Variants in KHDRBS2 observed in about 807,000 individuals in gnomAD.
The protein encoded by KHDRBS2 is KH domain-containing, RNA-binding, signal transduction-associated protein 2.
Under a neutral mutation model 44.3 loss-of-function variants are expected in KHDRBS2, and 26 were observed. That is an observed-to-expected ratio of 0.59 (90% CI 0.43 to 0.81). The LOEUF (loss-of-function observed/expected upper bound fraction) is 0.81, where lower values mean the gene tolerates loss of function less well. Ranked by LOEUF, KHDRBS2 falls within the 40% of genes least tolerant of loss-of-function variation. The pLI is 0.00. For synonymous variants in KHDRBS2, 194 were observed against 151.1 expected (o/e 1.28, Z -2.08); for missense variants, 476 against 433.1 (o/e 1.10, Z -0.88).
intron 4 of KHDRBS2, among the ~76,000 whole-genome samples, chr6:61,902,966 T>C (rs1434354350): frequency 6.6e-6 from 1 of 152,182 alleles, no homozygotes; most frequent in African/African-American, 2.4e-5. Context: ...ATTTTTAGCA[T>C]GTTGCTTTCA....
At chr6:62,157,868 T>C (rs1816797758) in intron 2 of KHDRBS2, among the ~76,000 whole-genome samples, 1 of 152,216 alleles carries the variant, frequency 6.6e-6, no homozygotes, top group African/African-American at 2.4e-5. Context: ...GATTTATGCA[T>C]AGCTTCCCCC....
chr6:62,109,982 G>C (rs1370586375), intron 2 of KHDRBS2, among the ~76,000 whole-genome samples: 1 of 151,776 alleles, frequency 6.6e-6, no homozygotes, highest in Admixed American at 6.6e-5. Flanking sequence ...ATATTTCTTA[G>C]ATATGAAATG....
At chr6:61,966,173 A>T (rs1393106828) in intron 4 of KHDRBS2, among the ~76,000 whole-genome samples, 1 of 152,030 alleles carries the variant, frequency 6.6e-6, no homozygotes, top group Admixed American at 6.6e-5. Flanking sequence ...ATTACACTGA[A>T]AGGTAATGAA....
intron 2 of KHDRBS2, among the ~76,000 whole-genome samples, chr6:62,051,072 A>G (rs1282946072): frequency 6.6e-6 from 1 of 152,096 alleles, no homozygotes; most frequent in African/African-American, 2.4e-5. Flanking sequence ...ATATGGTGTT[A>G]GACTTCATAA....
intron 3 of KHDRBS2, among the ~76,000 whole-genome samples, chr6:62,041,021 C>T (rs188053864): frequency 4.6e-5 from 7 of 152,068 alleles, no homozygotes; most frequent in Admixed American, 1.3e-4. Flanking sequence ...GGTTATATTG[C>T]ATTTGTACTT....
chr6:62,149,034 T>C (rs996645085), intron 2 of KHDRBS2, among the ~76,000 whole-genome samples: 3 of 152,118 alleles, frequency 2.0e-5, no homozygotes, highest in Non-Finnish European at 4.4e-5. Flanking sequence ...CCTTTAAATA[T>C]TGAGGTCCTT....
intron 2 of KHDRBS2, among the ~76,000 whole-genome samples, chr6:62,108,465 G>T (rs1241789349): frequency 6.6e-6 from 1 of 152,150 alleles, no homozygotes; most frequent in Non-Finnish European, 1.5e-5. Flanking sequence ...TGGAGAGGAT[G>T]TGGAGAAATA....
chr6:62,208,863 C>T (rs1198895289), intron 1 of KHDRBS2, among the ~76,000 whole-genome samples: 1 of 152,136 alleles, frequency 6.6e-6, no homozygotes, highest in Non-Finnish European at 1.5e-5. Context: ...TAGATATTGG[C>T]CATCTGCATG....
chr6:62,074,412 C>T (rs2127348622), intron 2 of KHDRBS2, among the ~76,000 whole-genome samples: 1 of 151,912 alleles, frequency 6.6e-6, no homozygotes, highest in Admixed American at 6.6e-5. Flanking sequence ...GTCTTTGTGA[C>T]TATAGTCCAC....
At chr6:61,834,639 T>C (rs995790041) in intron 6 of KHDRBS2, among the ~76,000 whole-genome samples, 7 of 152,054 alleles carry the variant, frequency 4.6e-5, no homozygotes, top group Non-Finnish European at 1.0e-4. Flanking sequence ...AATCACAAAA[T>C]AGAGACTTGG....
chr6:61,616,968 AC>A, the KHDRBS2 span, among the ~76,000 whole-genome samples: 1 of 152,158 alleles, frequency 6.6e-6, no homozygotes, highest in Admixed American at 6.6e-5. Context: ...TTTATTGAGT[AC>A]TTTTTTTTTC....
At chr6:62,068,904 T>C (rs1293041261) in intron 2 of KHDRBS2, among the ~76,000 whole-genome samples, 1 of 151,732 alleles carries the variant, frequency 6.6e-6, no homozygotes, top group Non-Finnish European at 1.5e-5. Context: ...TGTAGCTTTG[T>C]AGTATATTTT....
Position 62,285,944 on chromosome 6 carries a change from T to A in KHDRBS2, c.5A>T (p.Glu2Val). ...CAGCTCAGGCAAATATTTCTCCTCT[T>A]CCATAGCGCGGACTTCGGATTGTCC... Reference protein sequence around the residue: MEEEKYLPELMA... With the variant: MVEEKYLPELMA... Residue 2 changes from glutamate to valine, a missense_variant, in exon 1 of 9, where the codon GAA becomes GTA. Coordinates refer to ENST00000281156, the MANE Select transcript of KHDRBS2 (RefSeq NM_152688.4). 1.2e-6 allele frequency: 2 copies of A among 1,608,262 alleles called. No homozygotes were observed. Among genetic ancestry groups the A allele is most frequent in the Non-Finnish European group, 1.7e-6 (2 of 1,175,390 alleles).
intron 6 of KHDRBS2, among the ~76,000 whole-genome samples, chr6:61,762,234 G>T (rs1489962475): frequency 2.0e-5 from 3 of 152,182 alleles, no homozygotes; most frequent in Admixed American, 2.0e-4. Flanking sequence ...TTGATTCTCA[G>T]ATATGAGTCT....
intron 3 of KHDRBS2, among the ~76,000 whole-genome samples, chr6:61,988,707 G>A (rs546004898): frequency 1.5e-4 from 23 of 152,090 alleles, no homozygotes; most frequent in Non-Finnish European, 2.5e-4. Flanking sequence ...TTTGAGATTG[G>A]GAAAAATCAG....
chr6:61,590,583 G>T, the KHDRBS2 span, among the ~76,000 whole-genome samples: 11 of 152,102 alleles, frequency 7.2e-5, no homozygotes, highest in Non-Finnish European at 5.9e-5. Context: ...TTTAACCTTT[G>T]TTTCTCACAG....
At chr6:61,726,841 A>G (rs1773653978) in intron 7 of KHDRBS2, among the ~76,000 whole-genome samples, 1 of 152,204 alleles carries the variant, frequency 6.6e-6, no homozygotes, top group Non-Finnish European at 1.5e-5. Flanking sequence ...AAATGACCAC[A>G]GTGCCCAAAG....
At chr6:61,975,809 T>A (rs1336182654) in intron 4 of KHDRBS2, among the ~76,000 whole-genome samples, 1 of 152,146 alleles carries the variant, frequency 6.6e-6, no homozygotes, top group Non-Finnish European at 1.5e-5. Flanking sequence ...CAAAATATAG[T>A]AAGACTGCAT....
chr6:62,023,887 G>A (rs746298133), intron 3 of KHDRBS2, among the ~76,000 whole-genome samples: 1 of 150,686 alleles, frequency 6.6e-6, no homozygotes, highest in Admixed American at 6.6e-5. Flanking sequence ...AAAGCAAGAG[G>A]CTTTTTTCAC....
Sources: gnomAD v4.1 joint callset for allele counts (sites outside exome capture counted in the v4.1 genomes callset) on GRCh38, gnomAD v4.1.1 for gene constraint, MANE v1.5 for transcripts, NCBI Gene and HGNC (gene_info 2026-07-23, HGNC 2026-07-21) for gene names.